SPECC1: variants seen among roughly 807,000 people sequenced by gnomAD.
The protein encoded by SPECC1 is cytospin-B.
Under a neutral mutation model 104.1 loss-of-function variants are expected in SPECC1, and 62 were observed. That is an observed-to-expected ratio of 0.60 (90% CI 0.49 to 0.74). The LOEUF (loss-of-function observed/expected upper bound fraction) is 0.74. Among genes scored for constraint, SPECC1 ranks in the 30% least tolerant of loss-of-function variants. The pLI is 0.00. For missense variants in SPECC1, 1,306 were observed against 1,310.5 expected (o/e 1.00, Z 0.05); for synonymous variants, 513 against 501.6 (o/e 1.02, Z -0.30).
At chr17:20,143,779 A>G (rs367971211) in intron 3 of SPECC1, among the ~76,000 whole-genome samples, 2 of 152,208 alleles carry the variant, frequency 1.3e-5, no homozygotes, top group Non-Finnish European at 2.9e-5. Context: ...AGTAGGGGGA[A>G]TCCATTCAGA....
chr17:20,011,790 G>A (rs1355311491), intron 1 of SPECC1, among the ~76,000 whole-genome samples: 1 of 151,758 alleles, frequency 6.6e-6, no homozygotes, highest in Non-Finnish European at 1.5e-5. Flanking sequence ...GGCCTTAATT[G>A]TATTTTTACT....
intron 12 of SPECC1, among the ~76,000 whole-genome samples, chr17:20,275,884 G>A (rs984178543): frequency 3.9e-5 from 6 of 152,060 alleles, no homozygotes; most frequent in Non-Finnish European, 7.4e-5. Flanking sequence ...ACTGTGGTTT[G>A]TGTCAAAAGC....
At chr17:20,058,410 A>G (rs2046048961) in intron 1 of SPECC1, among the ~76,000 whole-genome samples, 1 of 152,132 alleles carries the variant, frequency 6.6e-6, no homozygotes, top group African/African-American at 2.4e-5. Context: ...AAGGAGGATC[A>G]CTTGAGTCCA....
chr17:20,283,046 T>C (rs1368384262), intron 12 of SPECC1, among the ~76,000 whole-genome samples: 1 of 151,480 alleles, frequency 6.6e-6, no homozygotes, highest in African/African-American at 2.4e-5. Context: ...TAGCCAGGCA[T>C]GGTGGCTTCC....
intron 2 of SPECC1, among the ~76,000 whole-genome samples, chr17:20,105,666 C>A (rs1179918224): frequency 6.6e-6 from 1 of 152,234 alleles, no homozygotes. Flanking sequence ...TACTGCTTCA[C>A]CCCTGTTCTT....
chr17:20,155,807 C>A, intron 3 of SPECC1: 1 of 587,532 alleles, frequency 1.7e-6, no homozygotes, highest in Non-Finnish European at 2.2e-6. Flanking sequence ...CGGAGGCCTG[C>A]AGCCGGTCAG....
intron 1 of SPECC1, among the ~76,000 whole-genome samples, chr17:20,062,858 T>C (rs865855657): frequency 3.7e-4 from 57 of 152,136 alleles, no homozygotes; most frequent in African/African-American, 1.1e-3. Context: ...CGGCTAATTT[T>C]TGTATTTTTA....
chr17:20,223,096 C>T (rs568710616), intron 4 of SPECC1, among the ~76,000 whole-genome samples: 32 of 152,134 alleles, frequency 2.1e-4, no homozygotes, highest in African/African-American at 7.7e-4. Flanking sequence ...GGGAAGTTCT[C>T]TGTTGTTATC....
rs570123447 is a variant in SPECC1, at chr17:20,016,839, C to T, written c.-22+7415C>T. Among the ~76,000 whole-genome samples the T allele has an allele frequency of 9.8e-5, 15 of 152,370 alleles. 1 individual carries two copies. In the South Asian group the frequency reaches 3.1e-3, roughly 32 times the overall value. ...AGGGCGCGGGACTGGCAGGCAGCTC[C>T]ACCTGTGGCACTGATGCCGGATCCA... On this transcript the variant is annotated intron_variant, in intron 1 of 14. Transcript: ENST00000395527.
chr17:20,243,847 A>G (rs2039306233), intron 7 of SPECC1, among the ~76,000 whole-genome samples: 1 of 152,338 alleles, frequency 6.6e-6, no homozygotes, highest in African/African-American at 2.4e-5. Context: ...TTAAATTATC[A>G]AAGAATGAAA....
At chr17:20,279,347 A>T (rs1598131177) in intron 12 of SPECC1, among the ~76,000 whole-genome samples, 1 of 104,028 alleles carries the variant, frequency 9.6e-6, no homozygotes, top group Non-Finnish European at 1.8e-5. Context: ...TCTGAGATGG[A>T]GTTTCTCCCT....
chr17:20,262,964 A>G (rs62066874), intron 12 of SPECC1, among the ~76,000 whole-genome samples: 4 of 152,104 alleles, frequency 2.6e-5, no homozygotes, highest in Non-Finnish European at 5.9e-5. Context: ...GAGCTGAGAT[A>G]GCACCACTGT....
At chr17:20,243,474 C>G (rs186764183) in intron 7 of SPECC1, among the ~76,000 whole-genome samples, 153 of 152,276 alleles carry the variant, frequency 1.0e-3, no homozygotes, top group Admixed American at 2.4e-3. Flanking sequence ...TAAGTACATA[C>G]TAATAAGCCA....
At chr17:20,029,321 G>A (rs891525253) in intron 1 of SPECC1, among the ~76,000 whole-genome samples, 1 of 152,130 alleles carries the variant, frequency 6.6e-6, no homozygotes, top group African/African-American at 2.4e-5. Context: ...GTTGTTCACT[G>A]CAAGTGTATA....
chr17:20,241,333 T>G (rs1024375608), intron 7 of SPECC1, among the ~76,000 whole-genome samples: 1 of 152,194 alleles, frequency 6.6e-6, no homozygotes, highest in Non-Finnish European at 1.5e-5. Context: ...ACTACTGCCC[T>G]TTATGCCTAG....
chr17:20,248,353 A>G lies in SPECC1; in HGVS notation c.2598+1034A>G, dbSNP rs58744933. Reference sequence around the variant, plus strand: ...TAGCTTCCCAGTCCCTTATAGTTCAATAAGTCGCCCTACAAGGAGATGAGG... The same window carrying G: ...TAGCTTCCCAGTCCCTTATAGTTCAGTAAGTCGCCCTACAAGGAGATGAGG... On this transcript the variant is annotated intron_variant, in intron 9 of 14. Transcript: ENST00000395527. 1.2e-3 allele frequency among the ~76,000 whole-genome samples: 180 copies of G among 152,268 alleles called. 2 individuals are homozygous for G. The highest frequency in any genetic ancestry group is 8.3e-3 in the East Asian group (43 of 5,180).
At chr17:20,084,662 T>C (rs911314144) in intron 1 of SPECC1, among the ~76,000 whole-genome samples, 2 of 152,222 alleles carry the variant, frequency 1.3e-5, no homozygotes, top group Non-Finnish European at 2.9e-5. Context: ...AGTTATTTTA[T>C]TGCTCATATT....
At chr17:20,032,822 C>G (rs1373202123) in intron 1 of SPECC1, among the ~76,000 whole-genome samples, 1 of 152,032 alleles carries the variant, frequency 6.6e-6, no homozygotes, top group African/African-American at 2.4e-5. Flanking sequence ...ATACCCCATC[C>G]TATCATAACC....
chr17:20,135,463 T>C (rs534948344), intron 3 of SPECC1, among the ~76,000 whole-genome samples: 2 of 152,308 alleles, frequency 1.3e-5, no homozygotes, highest in East Asian at 3.9e-4. Context: ...TGTTTATGTA[T>C]TCATTTGAGA....
Sources: gnomAD v4.1 joint callset for allele counts (sites outside exome capture counted in the v4.1 genomes callset) on GRCh38, gnomAD v4.1.1 for gene constraint, MANE v1.5 for transcripts, NCBI Gene and HGNC (gene_info 2026-07-23, HGNC 2026-07-21) for gene names.